The following AUH variants were observed in gnomAD, a reference collection of about 807,000 sequenced individuals.
The protein encoded by AUH is methylglutaconyl-CoA hydratase, mitochondrial.
In AUH, 29 loss-of-function variants were observed where a neutral mutation model predicts 42.3. The ratio of observed to expected loss-of-function variants is 0.69; its 90% CI spans 0.51 to 0.93. The LOEUF is 0.93. Ranked by LOEUF, AUH falls within the 40% of genes least tolerant of loss-of-function variation. AUH has a pLI of 0.00. For synonymous variants in AUH, 174 were observed against 166.4 expected, an observed-to-expected ratio of 1.05 and a Z score of -0.35; for missense variants, 452 against 438.1, an observed-to-expected ratio of 1.03 and a Z score of -0.28.
At chr9:91,313,933 C>G (rs1181859462) in intron 4 of AUH, among the ~76,000 whole-genome samples, 1 of 151,184 alleles carries the variant, frequency 6.6e-6, no homozygotes, top group East Asian at 2.0e-4. Context: ...AAGTGATGCT[C>G]GTGCCTCAGC....
intron 6 of AUH, among the ~76,000 whole-genome samples, chr9:91,286,344 A>G (rs1383473947): frequency 6.6e-6 from 1 of 152,028 alleles, no homozygotes; most frequent in Non-Finnish European, 1.5e-5. Flanking sequence ...CAGGGAGGGG[A>G]AAAAAAGACA....
rs563283054 is a variant in AUH, at chr9:91,327,646, G to A, written c.419-2242C>T. 6.7e-4 allele frequency among the ~76,000 whole-genome samples: 102 copies of A among 152,298 alleles called. 2 individuals carry two copies. The South Asian group carries it at 0.013, about 20-fold the overall frequency. On this transcript the variant is annotated intron_variant, in intron 3 of 9. Coordinates refer to ENST00000375731, the MANE Select transcript of AUH (RefSeq NM_001698.3). ...GTCGCGGGACAAGGACCTGGAACTCGCTGAGCTGCAGGCGACAGGAATGAA... is the reference window on the plus strand; with the variant it reads ...GTCGCGGGACAAGGACCTGGAACTCACTGAGCTGCAGGCGACAGGAATGAA...
chr9:91,230,521 A>G (rs1587648161), intron 6 of AUH, among the ~76,000 whole-genome samples: 2 of 152,264 alleles, frequency 1.3e-5, no homozygotes, highest in South Asian at 4.1e-4. Context: ...AGCTCAGAGT[A>G]ATCTGATCGT....
chr9:91,357,644 G>A (rs1244983472), intron 1 of AUH: 6 of 355,120 alleles, frequency 1.7e-5, no homozygotes, highest in Non-Finnish European at 2.4e-5. Flanking sequence ...ATTGATAATG[G>A]TCTGGGGCAA....
chr9:91,306,291 T>C (rs1488593972), intron 4 of AUH: 1 of 900,718 alleles, frequency 1.1e-6, no homozygotes, highest in Non-Finnish European at 1.3e-6. Context: ...GGGAAGTCCA[T>C]GCCCATTCAG....
intron 3 of AUH, among the ~76,000 whole-genome samples, chr9:91,346,716 TAAGGGGTCC>T (rs1831535662): frequency 6.6e-6 from 1 of 152,114 alleles, no homozygotes; most frequent in African/African-American, 2.4e-5. Context: ...TCCCACAAGT[TAAGGGGTCC>T]CACAAGGCTG....
chr9:91,226,236 C>A (rs1371739757), intron 6 of AUH, among the ~76,000 whole-genome samples: 5 of 151,726 alleles, frequency 3.3e-5, no homozygotes, highest in Middle Eastern at 3.4e-3. Context: ...TTTTAATGAT[C>A]GCCATTCTAA....
intron 4 of AUH, among the ~76,000 whole-genome samples, chr9:91,301,732 A>G (rs1827800282): frequency 6.6e-6 from 1 of 152,186 alleles, no homozygotes; most frequent in Non-Finnish European, 1.5e-5. Flanking sequence ...GGAAGACAGG[A>G]GCTCCAAGAG....
chr9:91,314,089 G>C (rs917638940), intron 4 of AUH, among the ~76,000 whole-genome samples: 2 of 152,050 alleles, frequency 1.3e-5, no homozygotes, highest in African/African-American at 2.4e-5. Context: ...CTCCCAAAGT[G>C]TTAGGACTGC....
intron 6 of AUH, among the ~76,000 whole-genome samples, chr9:91,257,632 A>G (rs996959782): frequency 6.6e-6 from 1 of 152,126 alleles, no homozygotes; most frequent in African/African-American, 2.4e-5. Flanking sequence ...TGGAATTTCT[A>G]TTTTGTTCCA....
At chr9:91,315,352 G>A (rs1829076661) in intron 4 of AUH, among the ~76,000 whole-genome samples, 1 of 152,204 alleles carries the variant, frequency 6.6e-6, no homozygotes, top group Non-Finnish European at 1.5e-5. Flanking sequence ...AAATGCGCAT[G>A]TGCCTGTTTC....
intron 3 of AUH, chr9:91,342,754 G>C (rs1431298981): frequency 6.6e-6 from 1 of 152,140 alleles, no homozygotes; most frequent in Non-Finnish European, 1.5e-5. Context: ...ATTTTTAACG[G>C]CATCTCTGAC....
At chr9:91,336,279 T>C (rs1490939524) in intron 3 of AUH, among the ~76,000 whole-genome samples, 4 of 152,002 alleles carry the variant, frequency 2.6e-5, no homozygotes. Context: ...CTCACATACA[T>C]ACACAAACAC....
chr9:91,358,971 C>T (rs1221167728), intron 1 of AUH, among the ~76,000 whole-genome samples: 1 of 152,136 alleles, frequency 6.6e-6, no homozygotes, highest in Non-Finnish European at 1.5e-5. Flanking sequence ...ACAATTCAAT[C>T]ACTTCTCAAG....
intron 9 of AUH, 28 bp from the exon 10 acceptor site, chr9:91,214,453 CA>C (rs755053796): frequency 5.8e-6 from 9 of 1,542,578 alleles, no homozygotes; most frequent in Non-Finnish European, 7.1e-6. Flanking sequence ...TTAAATATGT[CA>C]AAAATGTTAA....
At chr9:91,233,106 G>A (rs1019839192) in intron 6 of AUH, among the ~76,000 whole-genome samples, 4 of 152,172 alleles carry the variant, frequency 2.6e-5, no homozygotes, top group South Asian at 2.1e-4. Flanking sequence ...GGCCCCTGGC[G>A]TTCAACACTG....
intron 6 of AUH, among the ~76,000 whole-genome samples, chr9:91,261,327 G>A (rs1352950698): frequency 6.6e-6 from 1 of 152,304 alleles, no homozygotes; most frequent in African/African-American, 2.4e-5. Flanking sequence ...CAGGCCTAGA[G>A]AATTCTTTAT....
At chr9:91,223,663 CA>C (rs2131233813) in intron 6 of AUH, among the ~76,000 whole-genome samples, 1 of 152,284 alleles carries the variant, frequency 6.6e-6, no homozygotes, top group African/African-American at 2.4e-5. Context: ...CCATAGTCAC[CA>C]AACCATTTTA....
At chr9:91,217,747 T>C (rs1826906773) in intron 7 of AUH, among the ~76,000 whole-genome samples, 2 of 152,244 alleles carry the variant, frequency 1.3e-5, no homozygotes, top group African/African-American at 4.8e-5. Context: ...GGTAGGGTTC[T>C]GATATCATCT....
Sources: allele counts gnomAD v4.1 joint callset (sites outside exome capture counted in the v4.1 genomes callset), GRCh38; gene constraint gnomAD v4.1.1; transcripts MANE v1.5; gene names NCBI Gene and HGNC (gene_info 2026-07-23, HGNC 2026-07-21).